Variants in CLEC4C observed in about 807,000 individuals in gnomAD.
CLEC4C encodes the protein C-type (calcium dependent, carbohydrate-recognition domain) lectin, superfamily member 11.
A neutral mutation model predicts 27.7 loss-of-function variants in CLEC4C; 17 were observed. That is an observed-to-expected ratio of 0.61 (90% confidence interval 0.42 to 0.92). CLEC4C has a LOEUF of 0.92. Ranked by LOEUF, CLEC4C falls within the 40% of genes least tolerant of loss-of-function variation. The pLI, the probability that CLEC4C is intolerant of heterozygous loss-of-function variation, is 0.00. For synonymous variants in CLEC4C, 80 were observed against 80.8 expected (o/e 0.99, Z 0.06); for missense variants, 244 against 257.3 (o/e 0.95, Z 0.35).
At chr12:7,747,781 A>G (rs1189455390), upstream of CLEC4C, among the ~76,000 whole-genome samples, 1 of 151,504 alleles carries the variant, frequency 6.6e-6, no homozygotes, top group Non-Finnish European at 1.5e-5. Flanking sequence ...AGCTGGGACT[A>G]CAGGCATGTG....
At chr12:7,736,088 C>A (rs1361511714) in intron 4 of CLEC4C, among the ~76,000 whole-genome samples, 1 of 152,034 alleles carries the variant, frequency 6.6e-6, no homozygotes, top group Non-Finnish European at 1.5e-5. Flanking sequence ...TCAAGACCAG[C>A]CTGGCCAACA....
chr12:7,745,693 G>A (rs201328803), intron 2 of CLEC4C, among the ~76,000 whole-genome samples: 1 of 151,304 alleles, frequency 6.6e-6, no homozygotes, highest in Non-Finnish European at 1.5e-5. Flanking sequence ...TTGGCCTCCC[G>A]AAGTGCTGGG....
At chr12:7,737,111 C>T (rs1196980385) in intron 4 of CLEC4C, among the ~76,000 whole-genome samples, 6 of 151,576 alleles carry the variant, frequency 4.0e-5, no homozygotes, top group Non-Finnish European at 8.8e-5. Context: ...CATGCCTATC[C>T]TCCCAGCTAC....
chr12:7,730,964 T>C (rs755505240), intron 4 of CLEC4C, 52 bp from the exon 5 acceptor site: 1 of 892,444 alleles, frequency 1.1e-6, no homozygotes, highest in East Asian at 2.5e-5. Flanking sequence ...AGCACCCTCA[T>C]CTGGGACGAA....
intron 3 of CLEC4C, among the ~76,000 whole-genome samples, chr12:7,739,181 C>T (rs978966805): frequency 3.3e-5 from 5 of 151,098 alleles, no homozygotes; most frequent in African/African-American, 1.2e-4. Flanking sequence ...GGTGTGATCT[C>T]GGCTCACTGC....
intron 2 of CLEC4C, among the ~76,000 whole-genome samples, chr12:7,742,810 A>AAAAT (rs71038739): frequency 0.16 from 22,844 of 144,894 alleles, 2,007 homozygotes; most frequent in Admixed American, 0.22. Context: ...CTCCATCTCA[A>AAAAT]AAATAAATAA....
At chr12:7,730,564 C>T (rs1253815102) in intron 5 of CLEC4C, among the ~76,000 whole-genome samples, 1 of 151,264 alleles carries the variant, frequency 6.6e-6, no homozygotes, top group Non-Finnish European at 1.5e-5. Flanking sequence ...CACTTGAACC[C>T]AGGAGGCAGA....
chr12:7,739,299 G>A (rs1414629187), intron 3 of CLEC4C, among the ~76,000 whole-genome samples: 1 of 151,962 alleles, frequency 6.6e-6, no homozygotes, highest in East Asian at 1.9e-4. Flanking sequence ...TTTTAATAGA[G>A]ACGGGGTTTC....
upstream of CLEC4C, chr12:7,747,402 T>C: frequency 6.4e-7 from 1 of 1,567,272 alleles, no homozygotes; most frequent in Middle Eastern, 1.7e-4. Flanking sequence ...CAGAAGCTCT[T>C]GTATCACTTT....
intron 4 of CLEC4C, among the ~76,000 whole-genome samples, chr12:7,736,198 G>T (rs764371899): frequency 1.3e-5 from 2 of 152,088 alleles, no homozygotes; most frequent in Non-Finnish European, 2.9e-5. Flanking sequence ...CAGGAGAATC[G>T]CTTGAACCTG....
intron 2 of CLEC4C, among the ~76,000 whole-genome samples, chr12:7,746,026 T>G (rs145044072): frequency 1.1e-4 from 16 of 151,150 alleles, no homozygotes. Flanking sequence ...CCACCCTGGC[T>G]AACACAGTGA....
intron 4 of CLEC4C, among the ~76,000 whole-genome samples, chr12:7,733,939 C>A (rs1864660071): frequency 6.6e-6 from 1 of 152,092 alleles, no homozygotes; most frequent in Non-Finnish European, 1.5e-5. Flanking sequence ...CTCACCCAGG[C>A]TGGAGTGCAG....
At chr12:7,734,080 GA>G (rs34120538) in intron 4 of CLEC4C, among the ~76,000 whole-genome samples, 21,545 of 152,012 alleles carry the variant, frequency 0.14, 1,834 homozygotes, top group African/African-American at 0.24. Flanking sequence ...GTACAAACAA[GA>G]AAAGATATTT....
chr12:7,744,336 GAGATGTATTTACAACTAGAAAGAAACTGA>G (rs1735630114), intron 2 of CLEC4C, among the ~76,000 whole-genome samples: 1 of 152,182 alleles, frequency 6.6e-6, no homozygotes, highest in African/African-American at 2.4e-5. Context: ...TGAAAACTGT[GAGATGTATTTACAACTAGAAAGAAACTGA>G]AGACTGTATC....
chr12:7,729,524 A>C lies in CLEC4C; in HGVS notation c.*72T>G, dbSNP rs114465563. ...TTCCTTGTACAAAACTTACACATAA[A>C]TTAAAAAATCAATTTAGCTTTCTAC... On this transcript the variant is annotated 3_prime_UTR_variant, in exon 6 of 6. Coordinates refer to ENST00000360345, the MANE Select transcript of CLEC4C (RefSeq NM_001371390.1). 4.8e-6 allele frequency: 7 copies of C among 1,451,164 alleles called. No homozygotes were observed. Among genetic ancestry groups the C allele is most frequent in the Non-Finnish European group, 6.6e-6 (7 of 1,056,972 alleles). The allele number at this position is 1,451,164 out of a possible 1,614,324, so 89.9% of individuals were successfully genotyped here. A position where few individuals can be genotyped will look rare whatever the true frequency, so the allele number is the denominator to read the frequency against.
chr12:7,745,112 C>T (rs1211402301), intron 2 of CLEC4C, among the ~76,000 whole-genome samples: 1 of 152,122 alleles, frequency 6.6e-6, no homozygotes, highest in Non-Finnish European at 1.5e-5. Flanking sequence ...TGAATTGCGT[C>T]CTCCCCAAGT....
upstream of CLEC4C, among the ~76,000 whole-genome samples, chr12:7,748,248 C>T (rs1420206402): frequency 6.6e-6 from 1 of 152,150 alleles, no homozygotes; most frequent in Non-Finnish European, 1.5e-5. Context: ...AAGTTTTGAG[C>T]TGGGCACGGT....
chr12:7,734,476 G>A (rs1308371432), intron 4 of CLEC4C, among the ~76,000 whole-genome samples: 3 of 152,008 alleles, frequency 2.0e-5, no homozygotes, highest in East Asian at 1.9e-4. Context: ...ATAATGTACT[G>A]TAGGACTTGT....
intron 2 of CLEC4C, among the ~76,000 whole-genome samples, chr12:7,744,015 G>A (rs1353961825): frequency 1.3e-5 from 2 of 152,128 alleles, no homozygotes; most frequent in Non-Finnish European, 2.9e-5. Context: ...GAGAGAGTGA[G>A]GGGGAGGGGC....
Sources: allele counts gnomAD v4.1 joint callset (sites outside exome capture counted in the v4.1 genomes callset), GRCh38; gene constraint gnomAD v4.1.1; transcripts MANE v1.5; gene names NCBI Gene and HGNC (gene_info 2026-07-23, HGNC 2026-07-21).